Variants in LANCL2 observed in about 807,000 individuals in gnomAD.
LANCL2 encodes the protein LanC like glutathione S-transferase 2, also known as lanC-like protein 2.
Under a neutral mutation model 56.9 loss-of-function variants are expected in LANCL2, and 33 were observed. The ratio of observed to expected loss-of-function variants is 0.58; its 90% CI spans 0.44 to 0.78. The LOEUF is 0.78. Among genes scored for constraint, LANCL2 ranks in the 30% least tolerant of loss-of-function variants. The pLI is 0.00. For synonymous variants in LANCL2, 233 were observed against 228.2 expected (o/e 1.02, Z -0.19); for missense variants, 562 against 580.2 (o/e 0.97, Z 0.32).
chr7:55,417,569 A>AT (rs1181620490), intron 6 of LANCL2, among the ~76,000 whole-genome samples: 1 of 152,062 alleles, frequency 6.6e-6, no homozygotes, highest in Non-Finnish European at 1.5e-5. Context: ...AGTCCTTTGT[A>AT]TTTTCATATA....
At chr7:55,407,049 CT>C (rs1327985385) in intron 5 of LANCL2, among the ~76,000 whole-genome samples, 1 of 152,182 alleles carries the variant, frequency 6.6e-6, no homozygotes, top group Non-Finnish European at 1.5e-5. Flanking sequence ...TTGGGGGACT[CT>C]CTGGCACAGG....
rs748947136 is a variant in LANCL2, at chr7:55,411,909, G to A, written c.828G>A (p.Pro276=). Reference sequence around the variant, plus strand: ...GTTTCATTTTTGTTTGTTTAAAGCCGGCAGCAAAAGTGGACCAAGAAACCT... The same window carrying A: ...GTTTCATTTTTGTTTGTTTAAAGCCAGCAGCAAAAGTGGACCAAGAAACCT... ...MAGIYYMLMQ[P]AAKVDQETLT... is the part of the protein sequence containing the mutation. The change falls in exon 6 of 9, where the codon CCG becomes CCA. Residue 276 remains proline, a splice_region_variant and synonymous_variant. Coordinates refer to ENST00000254770, the MANE Select transcript of LANCL2 (RefSeq NM_018697.4). 177 of 1,604,774 alleles carry A rather than the reference G, an allele frequency of 1.1e-4. No individual in the cohort carries two copies. The highest frequency in any genetic ancestry group is 1.7e-4 in the Middle Eastern group (1 of 6,044).
At position 55,388,267 on chromosome 7, in the gene LANCL2, C is replaced by T. The variant is rs187846186; in HGVS notation, c.205-3526C>T. 9.2e-5 allele frequency among the ~76,000 whole-genome samples: 14 copies of T among 152,252 alleles called. No individual in the cohort carries two copies. The East Asian group carries it at 2.3e-3, about 25-fold the overall frequency. ...AAGAAAATAGAAGAAAGGAATGGGC[C>T]GGGCACTGTGGCTCACATCTGTAAT... On this transcript the variant is annotated intron_variant, in intron 1 of 8. Transcript: ENST00000254770.
At chr7:55,412,582 T>C (rs1790483511) in intron 6 of LANCL2, among the ~76,000 whole-genome samples, 1 of 152,230 alleles carries the variant, frequency 6.6e-6, no homozygotes, top group African/African-American at 2.4e-5. Context: ...TATAGGAAAA[T>C]TGGCTAAACC....
At chr7:55,366,327 C>A in intron 1 of LANCL2, 98 bp downstream of exon 1, 2 of 1,073,862 alleles carry the variant, frequency 1.9e-6, no homozygotes, top group Non-Finnish European at 2.6e-6. Flanking sequence ...GCGCGCCGGG[C>A]TTGGGAGGGC....
chr7:55,367,179 G>A (rs78016275), intron 1 of LANCL2, among the ~76,000 whole-genome samples: 53 of 152,266 alleles, frequency 3.5e-4, no homozygotes, highest in Non-Finnish European at 6.0e-4. Flanking sequence ...TAACGTGGGA[G>A]GCAAAAAGTG....
intron 7 of LANCL2, among the ~76,000 whole-genome samples, chr7:55,425,888 C>T (rs1471251492): frequency 3.9e-5 from 6 of 152,218 alleles, no homozygotes; most frequent in South Asian, 4.1e-4. Context: ...TATGCTCCTC[C>T]GCTGAGTTGA....
intron 8 of LANCL2, among the ~76,000 whole-genome samples, chr7:55,429,485 C>G (rs1158787248): frequency 1.3e-5 from 2 of 152,208 alleles, no homozygotes; most frequent in Non-Finnish European, 2.9e-5. Context: ...TTATCATCCT[C>G]TGTCTGCATC....
chr7:55,382,608 T>G (rs1456336842), intron 1 of LANCL2, among the ~76,000 whole-genome samples: 2 of 152,180 alleles, frequency 1.3e-5, no homozygotes, highest in East Asian at 3.9e-4. Flanking sequence ...GGTCGGATCC[T>G]AGATGAAATC....
At chr7:55,405,028 T>C (rs1174901171) in intron 5 of LANCL2, among the ~76,000 whole-genome samples, 1 of 152,164 alleles carries the variant, frequency 6.6e-6, no homozygotes, top group Non-Finnish European at 1.5e-5. Context: ...AAACAACCAA[T>C]AGGAGATAAA....
chr7:55,377,260 T>C (rs1790013682), intron 1 of LANCL2, among the ~76,000 whole-genome samples: 1 of 152,230 alleles, frequency 6.6e-6, no homozygotes, highest in Admixed American at 6.5e-5. Context: ...GTATATGTTC[T>C]AGCAAATGAC....
At chr7:55,401,106 A>G in intron 4 of LANCL2, 68 bp from the exon 5 acceptor site, 1 of 1,349,768 alleles carries the variant, frequency 7.4e-7, no homozygotes. Flanking sequence ...TATATGACAT[A>G]CTGTTAATTA....
At chr7:55,423,470 C>T (rs1299413703) in intron 6 of LANCL2, among the ~76,000 whole-genome samples, 5 of 152,216 alleles carry the variant, frequency 3.3e-5, no homozygotes, top group African/African-American at 9.6e-5. Context: ...TATCTTCTCA[C>T]CCATTAGCTT....
At chr7:55,423,410 C>A (rs1455488824) in intron 6 of LANCL2, among the ~76,000 whole-genome samples, 1 of 152,240 alleles carries the variant, frequency 6.6e-6, no homozygotes, top group Non-Finnish European at 1.5e-5. Context: ...CTCCAGCTCA[C>A]TTTAGGGCTG....
intron 5 of LANCL2, among the ~76,000 whole-genome samples, chr7:55,410,197 T>C (rs971714921): frequency 6.6e-6 from 1 of 152,248 alleles, no homozygotes; most frequent in South Asian, 2.1e-4. Flanking sequence ...GTCTTTGAGA[T>C]AAGCTCCTCA....
intron 3 of LANCL2, among the ~76,000 whole-genome samples, chr7:55,399,734 A>G (rs1339319671): frequency 1.3e-5 from 2 of 152,244 alleles, no homozygotes; most frequent in South Asian, 2.1e-4. Flanking sequence ...ATGTAAAGGT[A>G]GAAATTAACA....
chr7:55,383,695 A>G (rs1481545994), intron 1 of LANCL2, among the ~76,000 whole-genome samples: 2 of 152,188 alleles, frequency 1.3e-5, no homozygotes, highest in Non-Finnish European at 2.9e-5. Flanking sequence ...AATAACTCCT[A>G]TAATAGGGGC....
intron 3 of LANCL2, 38 bp downstream of exon 3, chr7:55,398,668 C>A: frequency 6.8e-7 from 1 of 1,463,376 alleles, no homozygotes; most frequent in Non-Finnish European, 9.6e-7. Context: ...TCCCAATTCC[C>A]AGTGGAAGCT....
intron 6 of LANCL2, among the ~76,000 whole-genome samples, chr7:55,421,398 G>T (rs1790607121): frequency 6.7e-6 from 1 of 149,244 alleles, no homozygotes; most frequent in Non-Finnish European, 1.5e-5. Flanking sequence ...GAGTGCAGTG[G>T]TGCAATCTCA....
Sources: allele counts gnomAD v4.1 joint callset (sites outside exome capture counted in the v4.1 genomes callset), GRCh38; gene constraint gnomAD v4.1.1; transcripts MANE v1.5; gene names NCBI Gene and HGNC (gene_info 2026-07-23, HGNC 2026-07-21).